Variants in CTNNA3 observed in about 807,000 individuals in gnomAD.
CTNNA3 encodes the protein catenin alpha 3, also known as catenin alpha-3.
A neutral mutation model predicts 95.7 loss-of-function variants in CTNNA3; 76 were observed. The ratio of observed to expected loss-of-function variants is 0.79; its 90% CI spans 0.66 to 0.96. The LOEUF is 0.96. CTNNA3 is among the 40% of genes least tolerant of loss of function. The pLI is 0.00. For missense variants in CTNNA3, 1,191 were observed against 1,089.8 expected, an observed-to-expected ratio of 1.09 and a Z score of -1.31; for synonymous variants, 431 against 374.4, an observed-to-expected ratio of 1.15 and a Z score of -1.74.
At position 67,527,872 on chromosome 10, in the gene CTNNA3, T is replaced by C. The variant is rs373870114; in HGVS notation, c.460-5911A>G. On this transcript the variant is annotated intron_variant, in intron 4 of 17. Transcript: ENST00000433211. ...GCCATGGAATGATAGTATCTGTTTATTATGAGAGTCTTTTGAGAAAGCTAG... is the reference window on the plus strand; with the variant it reads ...GCCATGGAATGATAGTATCTGTTTACTATGAGAGTCTTTTGAGAAAGCTAG... 1.8e-4 allele frequency among the ~76,000 whole-genome samples: 27 copies of C among 152,354 alleles called. No homozygotes were observed. In the South Asian group the frequency reaches 5.2e-3, roughly 29 times the overall value.
chr10:66,730,935 C>T (rs924789561), intron 9 of CTNNA3, among the ~76,000 whole-genome samples: 1 of 152,140 alleles, frequency 6.6e-6, no homozygotes, highest in Non-Finnish European at 1.5e-5. Flanking sequence ...ATAGAGATAA[C>T]AAGAAGCCCT....
intron 1 of CTNNA3, among the ~76,000 whole-genome samples, chr10:67,727,039 T>A (rs1183375430): frequency 8.7e-6 from 1 of 114,796 alleles, no homozygotes; most frequent in Admixed American, 1.1e-4. Flanking sequence ...ATATAATATA[T>A]GATACATATA....
At chr10:66,333,703 C>G (rs2092359914) in intron 12 of CTNNA3, among the ~76,000 whole-genome samples, 3 of 151,464 alleles carry the variant, frequency 2.0e-5, no homozygotes, top group Admixed American at 2.0e-4. Context: ...AATGTATATT[C>G]TGTTGATTTG....
intron 9 of CTNNA3, among the ~76,000 whole-genome samples, chr10:66,748,653 T>C (rs890910293): frequency 1.3e-5 from 2 of 152,322 alleles, no homozygotes; most frequent in African/African-American, 4.8e-5. Flanking sequence ...GTTAAATGAA[T>C]AAACCAATTA....
chr10:66,723,927 T>G lies in CTNNA3; in HGVS notation c.1281+42337A>C, dbSNP rs1193221425. On this transcript the variant is annotated intron_variant, in intron 9 of 17. Transcript: ENST00000433211. Reference sequence around the variant, plus strand: ...AGTCTCATAAATCAGACTTGAAAATTTAATTTGAGAGCTTTTCTCTTTCTT... The same window carrying G: ...AGTCTCATAAATCAGACTTGAAAATGTAATTTGAGAGCTTTTCTCTTTCTT... Among the ~76,000 whole-genome samples, 3 of 152,194 alleles carry G rather than the reference T, an allele frequency of 2.0e-5. No individual in the cohort carries two copies. The East Asian group carries it at 5.8e-4, about 29-fold the overall frequency.
intron 9 of CTNNA3, among the ~76,000 whole-genome samples, chr10:66,702,800 C>A (rs1847997866): frequency 6.7e-6 from 1 of 149,258 alleles, no homozygotes; most frequent in Admixed American, 6.7e-5. Context: ...CTCTCTTTGG[C>A]TTTATAAACT....
At chr10:67,554,600 G>C (rs1446786256) in intron 3 of CTNNA3, among the ~76,000 whole-genome samples, 1 of 151,954 alleles carries the variant, frequency 6.6e-6, no homozygotes, top group Non-Finnish European at 1.5e-5. Flanking sequence ...TGTTTGATGG[G>C]GTTGATTTTT....
intron 12 of CTNNA3, among the ~76,000 whole-genome samples, chr10:66,282,428 C>G (rs575358716): frequency 2.0e-5 from 3 of 151,846 alleles, no homozygotes; most frequent in African/African-American, 7.2e-5. Flanking sequence ...CCCAGGAAAC[C>G]TAATTTTCCT....
chr10:66,479,293 C>T (rs887044562), intron 11 of CTNNA3, among the ~76,000 whole-genome samples: 1 of 143,004 alleles, frequency 7.0e-6, no homozygotes. Flanking sequence ...ACCACACTTC[C>T]TTAAATACTA....
intron 13 of CTNNA3, among the ~76,000 whole-genome samples, chr10:66,228,266 G>A (rs1389939828): frequency 6.6e-6 from 1 of 151,838 alleles, no homozygotes. Context: ...TCATTAGGTT[G>A]TTTATTTGAA....
intron 7 of CTNNA3, among the ~76,000 whole-genome samples, chr10:67,165,037 A>T (rs770866811): frequency 1.4e-4 from 21 of 152,146 alleles, no homozygotes; most frequent in Non-Finnish European, 2.8e-4. Flanking sequence ...AAAATTTATG[A>T]CTACACAAAA....
chr10:66,281,324 T>C (rs2091487833), intron 12 of CTNNA3, among the ~76,000 whole-genome samples: 1 of 151,928 alleles, frequency 6.6e-6, no homozygotes. Context: ...TTCTTCAATT[T>C]TACTTTTAAG....
chr10:66,251,669 C>A (rs1321158894), intron 13 of CTNNA3, among the ~76,000 whole-genome samples: 5 of 152,026 alleles, frequency 3.3e-5, no homozygotes, highest in African/African-American at 1.2e-4. Flanking sequence ...ATAAATGTTT[C>A]ATGGTATTTC....
chr10:66,298,228 C>T (rs2091810589), intron 12 of CTNNA3, among the ~76,000 whole-genome samples: 1 of 152,110 alleles, frequency 6.6e-6, no homozygotes, highest in Admixed American at 6.5e-5. Flanking sequence ...CAGATCAAGC[C>T]TTTAAACAAA....
chr10:66,366,348 G>GA (rs887381026), intron 12 of CTNNA3, among the ~76,000 whole-genome samples: 11 of 152,128 alleles, frequency 7.2e-5, no homozygotes, highest in East Asian at 1.9e-4. Context: ...AGTTCTCTGA[G>GA]AAAAAACCAT....
At chr10:67,250,617 C>T (rs1299564987) in intron 5 of CTNNA3, among the ~76,000 whole-genome samples, 1 of 152,142 alleles carries the variant, frequency 6.6e-6, no homozygotes, top group East Asian at 1.9e-4. Context: ...CTCATGTATA[C>T]AGAGGGATGC....
chr10:67,167,661 T>C (rs1861835577), intron 7 of CTNNA3, among the ~76,000 whole-genome samples: 1 of 152,158 alleles, frequency 6.6e-6, no homozygotes, highest in Non-Finnish European at 1.5e-5. Flanking sequence ...ATACAATCTA[T>C]GACATATAGA....
intron 5 of CTNNA3, among the ~76,000 whole-genome samples, chr10:67,277,731 T>C (rs1839239650): frequency 6.6e-6 from 1 of 152,110 alleles, no homozygotes; most frequent in Admixed American, 6.6e-5. Context: ...TTGTCCTCAC[T>C]TTTCATTAAA....
chr10:66,280,787 G>T (rs1456800972), intron 12 of CTNNA3, among the ~76,000 whole-genome samples, 166 bp from the exon 13 acceptor site: 2 of 151,580 alleles, frequency 1.3e-5, no homozygotes, highest in Admixed American at 6.6e-5. Flanking sequence ...GGATTATCTT[G>T]AATCTCTGAA....
Sources: allele counts gnomAD v4.1 joint callset (sites outside exome capture counted in the v4.1 genomes callset), GRCh38; gene constraint gnomAD v4.1.1; transcripts MANE v1.5; gene names NCBI Gene and HGNC (gene_info 2026-07-23, HGNC 2026-07-21).